RALYL: variants seen among roughly 807,000 people sequenced by gnomAD.
RALYL encodes the protein RNA-binding Raly-like protein.
Under a neutral mutation model 35.1 loss-of-function variants are expected in RALYL, and 29 were observed. The ratio of observed to expected loss-of-function variants is 0.83; its 90% CI spans 0.61 to 1.13. The LOEUF is 1.13. Among genes scored for constraint, RALYL ranks in the 50% most tolerant of loss-of-function variants. RALYL has a pLI of 0.00. For missense variants in RALYL, 359 were observed against 360.4 expected, an observed-to-expected ratio of 1.00 and a Z score of 0.03; for synonymous variants, 120 against 127.6, an observed-to-expected ratio of 0.94 and a Z score of 0.40.
At chr8:84,393,126 G>A (rs1390349626) in intron 1 of RALYL, among the ~76,000 whole-genome samples, 1 of 152,054 alleles carries the variant, frequency 6.6e-6, no homozygotes, top group Non-Finnish European at 1.5e-5. Context: ...CTGTGAGTCA[G>A]GTGTCCAGGT....
intron 2 of RALYL, among the ~76,000 whole-genome samples, chr8:84,730,840 CAA>C (rs1846037628): frequency 6.6e-6 from 1 of 151,752 alleles, no homozygotes; most frequent in Admixed American, 6.6e-5. Flanking sequence ...AATTAAAAAA[CAA>C]AGGCTGATAC....
At chr8:84,765,439 C>T (rs1476497747) in intron 2 of RALYL, among the ~76,000 whole-genome samples, 2 of 152,060 alleles carry the variant, frequency 1.3e-5, no homozygotes, top group East Asian at 3.9e-4. Flanking sequence ...GGCACGTGGG[C>T]TTTGCTCAAT....
chr8:84,391,400 A>C (rs996813541), intron 1 of RALYL, among the ~76,000 whole-genome samples: 28 of 152,032 alleles, frequency 1.8e-4, no homozygotes, highest in Non-Finnish European at 1.3e-4. Context: ...ACTCATTTAC[A>C]TCTAAAGAAA....
intron 2 of RALYL, among the ~76,000 whole-genome samples, chr8:84,677,215 G>A (rs908225349): frequency 1.3e-5 from 2 of 152,126 alleles, no homozygotes; most frequent in Admixed American, 6.6e-5. Context: ...TGTTTTTCCC[G>A]AGTTGTCAAT....
chr8:84,813,565 A>G (rs1485555492), intron 4 of RALYL, among the ~76,000 whole-genome samples: 1 of 152,104 alleles, frequency 6.6e-6, no homozygotes, highest in African/African-American at 2.4e-5. Flanking sequence ...AGCACACCTC[A>G]CTCACATTAA....
At chr8:84,686,224 CA>C (rs1481152854) in intron 2 of RALYL, among the ~76,000 whole-genome samples, 64 of 151,978 alleles carry the variant, frequency 4.2e-4, no homozygotes, top group Middle Eastern at 3.4e-3. Context: ...AAAATTATCA[CA>C]AAAGTGGTGA....
At chr8:84,696,279 A>C (rs917075526) in intron 2 of RALYL, among the ~76,000 whole-genome samples, 5 of 151,884 alleles carry the variant, frequency 3.3e-5, no homozygotes, top group Non-Finnish European at 1.5e-5. Flanking sequence ...TCTTATCCAG[A>C]TGGGAACATA....
At chr8:84,402,564 C>A (rs1211710274) in intron 1 of RALYL, among the ~76,000 whole-genome samples, 1 of 152,068 alleles carries the variant, frequency 6.6e-6, no homozygotes, top group East Asian at 1.9e-4. Flanking sequence ...AGTTCAAACT[C>A]AATGAAGGAA....
intron 1 of RALYL, among the ~76,000 whole-genome samples, chr8:84,367,318 ATTTTTTTTTTTTTTTTTTTTTTTT>A (rs56387511): frequency 0.016 from 446 of 27,394 alleles, 64 homozygotes; most frequent in African/African-American, 0.027. Context: ...TAATTTTTGT[ATTTTTTTTTTTTTTTTTTTTTTTT>A]TTTTTTTTTT....
intron 1 of RALYL, among the ~76,000 whole-genome samples, chr8:84,517,319 A>G (rs938375757): frequency 6.6e-6 from 1 of 152,178 alleles, no homozygotes; most frequent in Admixed American, 6.5e-5. Flanking sequence ...TTGATTATGT[A>G]TATGCTGGTG....
chr8:84,582,672 G>C (rs550111530), intron 2 of RALYL, among the ~76,000 whole-genome samples: 2 of 151,962 alleles, frequency 1.3e-5, no homozygotes, highest in East Asian at 1.9e-4. Context: ...AAGCAAAGCT[G>C]TTAGAAAGCA....
intron 8 of RALYL, among the ~76,000 whole-genome samples, chr8:84,907,339 C>T (rs73261914): frequency 0.049 from 7,369 of 151,104 alleles, 644 homozygotes; most frequent in African/African-American, 0.17. Context: ...CACACACACA[C>T]ACACACACAC....
Position 84,879,098 on chromosome 8 carries a change from G to C in RALYL, c.685+5701G>C, listed in dbSNP as rs138418682. On this transcript the variant is annotated intron_variant, in intron 7 of 8. Coordinates refer to ENST00000521268, the MANE Select transcript of RALYL (RefSeq NM_173848.7). ...GGACTCTAAAAGCAAAAAACAAAAG[G>C]AATTCTCAAGATAGAGGTAACAGAG... Among the ~76,000 whole-genome samples the C allele has an allele frequency of 8.8e-3, 1,333 of 152,146 alleles. 22 individuals carry two copies. The highest frequency in any genetic ancestry group is 0.031 in the African/African-American group (1,267 of 41,534).
chr8:84,789,060 A>G (rs781722416), intron 3 of RALYL, among the ~76,000 whole-genome samples: 10 of 152,192 alleles, frequency 6.6e-5, no homozygotes, highest in Non-Finnish European at 1.2e-4. Context: ...CTAAAAGAGT[A>G]ACGGAATAAA....
chr8:84,789,210 G>C (rs1263816145), intron 3 of RALYL, among the ~76,000 whole-genome samples: 1 of 152,198 alleles, frequency 6.6e-6, no homozygotes. Flanking sequence ...AAATGTATCA[G>C]AATGTACTTT....
chr8:84,579,124 G>GC (rs903241148), intron 2 of RALYL, among the ~76,000 whole-genome samples: 1 of 152,122 alleles, frequency 6.6e-6, no homozygotes, highest in Non-Finnish European at 1.5e-5. Flanking sequence ...GCAGCCCTCA[G>GC]CCCCCCTAGG....
At chr8:84,834,736 A>G (rs1831602292) in intron 4 of RALYL, among the ~76,000 whole-genome samples, 1 of 152,224 alleles carries the variant, frequency 6.6e-6, no homozygotes, top group African/African-American at 2.4e-5. Context: ...CAATATCGCA[A>G]TTGTAATGCT....
chr8:84,372,894 T>TTTTTTGTTTTG (rs1563809075), intron 1 of RALYL, among the ~76,000 whole-genome samples: 5 of 125,054 alleles, frequency 4.0e-5, no homozygotes, highest in Non-Finnish European at 6.7e-5. Flanking sequence ...CTGTTTTTTT[T>TTTTTTGTTTTG]TTTTTTTTTT....
chr8:84,434,294 CAG>C (rs1339813897), intron 1 of RALYL, among the ~76,000 whole-genome samples: 1 of 152,112 alleles, frequency 6.6e-6, no homozygotes, highest in Non-Finnish European at 1.5e-5. Context: ...CATCTCCAAA[CAG>C]AGTCATATTT....
Sources: gnomAD v4.1 joint callset for allele counts (sites outside exome capture counted in the v4.1 genomes callset) on GRCh38, gnomAD v4.1.1 for gene constraint, MANE v1.5 for transcripts, NCBI Gene and HGNC (gene_info 2026-07-23, HGNC 2026-07-21) for gene names.